The following NGDN variants were observed in gnomAD, a reference collection of about 807,000 sequenced individuals.
The protein encoded by NGDN is EIF4E-binding protein.
Under a neutral mutation model 45.2 loss-of-function variants are expected in NGDN, and 41 were observed. The ratio of observed to expected loss-of-function variants is 0.91; its 90% CI spans 0.71 to 1.18. NGDN has a LOEUF of 1.18. Ranked by LOEUF, NGDN falls within the 50% of genes most tolerant of loss-of-function variation. The probability of loss-of-function intolerance (pLI) is 0.00; values close to 1 mark genes in which losing one functional copy is unlikely to be tolerated. For missense variants in NGDN, 402 were observed against 399.9 expected, an observed-to-expected ratio of 1.01 and a Z score of -0.05; for synonymous variants, 137 against 130.9, an observed-to-expected ratio of 1.05 and a Z score of -0.32.
In NGDN at chr14:23,477,182, A is replaced by G; in HGVS notation, c.714-18A>G. On this transcript the variant is annotated intron_variant, in intron 8 of 10. Transcript: ENST00000408901. ...TCTCCATGGTCTGAGCCTGCTGGAA[A>G]CTGTCTTTCTCTGGCAGGATTAACT... 1.2e-6 allele frequency: 2 copies of G among 1,613,520 alleles called. No homozygotes were observed. The highest frequency in any genetic ancestry group is 1.7e-6 in the Non-Finnish European group (2 of 1,179,662).
chr14:23,475,712 G>A lies in NGDN; in HGVS notation c.368-14G>A. 2.5e-6 allele frequency: 4 copies of A among 1,614,026 alleles called. No homozygotes were observed. Among genetic ancestry groups the A allele is most frequent in the Non-Finnish European group, 2.5e-6 (3 of 1,179,968 alleles). ...TTCCAAATTTTGTAAAATTCATTGGGTTATTTATTTCAGGTGAGAATGACC... is the reference window on the plus strand; with the variant it reads ...TTCCAAATTTTGTAAAATTCATTGGATTATTTATTTCAGGTGAGAATGACC... On this transcript the variant is annotated splice_polypyrimidine_tract_variant and intron_variant, in intron 5 of 10. Transcript: ENST00000408901.
intron 1 of NGDN, 122 bp from the exon 2 acceptor site, chr14:23,469,920 T>C (rs1018535347): frequency 5.7e-6 from 7 of 1,236,768 alleles, no homozygotes; most frequent in Admixed American, 1.9e-5. Flanking sequence ...TGAACCCGAG[T>C]GTGAAGGCCC....
chr14:23,477,910 C>T, intron 10 of NGDN, 97 bp from the exon 11 acceptor site: 1 of 1,611,464 alleles, frequency 6.2e-7, no homozygotes, highest in Non-Finnish European at 8.5e-7. Context: ...TAGGAGACCC[C>T]ACCCCTGTGA....
At chr14:23,472,523 A>G (rs992811658) in intron 3 of NGDN, among the ~76,000 whole-genome samples, 1 of 152,184 alleles carries the variant, frequency 6.6e-6, no homozygotes, top group Non-Finnish European at 1.5e-5. Flanking sequence ...AACAACAATT[A>G]AAATATTGTA....
At chr14:23,478,293 T>C (rs7158784), downstream of NGDN, 292,150 of 410,882 alleles carry the variant, frequency 0.71, 106,859 homozygotes, top group Non-Finnish European at 0.77. Flanking sequence ...TGTATTGTTT[T>C]CTTTGATAAT....
At chr14:23,474,613 C>T (rs904529023) in intron 3 of NGDN, among the ~76,000 whole-genome samples, 1 of 152,142 alleles carries the variant, frequency 6.6e-6, no homozygotes, top group Non-Finnish European at 1.5e-5. Context: ...AGTCATATTA[C>T]ACTTTCTACA....
chr14:23,475,024 AG>A (rs1893864064), intron 3 of NGDN, 146 bp from the exon 4 acceptor site: 1 of 614,478 alleles, frequency 1.6e-6, no homozygotes, highest in Non-Finnish European at 2.6e-6. Flanking sequence ...TCTTAGGCAT[AG>A]CTACTTCTTG....
In NGDN at chr14:23,469,707, T is replaced by C. The variant is rs555050527; in HGVS notation, c.-9T>C. ...AAGTACGACACCGGAAGGGGTGGGC[T>C]TTGCGAAGATGGCGGCGCTGGTGAG... On this transcript the variant is annotated 5_prime_UTR_variant, in exon 1 of 11. Coordinates refer to ENST00000408901, the MANE Select transcript of NGDN (RefSeq NM_001042635.2). 9 of 1,614,148 alleles carry C rather than the reference T, an allele frequency of 5.6e-6. No individual in the cohort carries two copies. The South Asian group carries it at 8.8e-5, about 16-fold the overall frequency.
chr14:23,470,223 G>A (rs2295705), intron 2 of NGDN, 122 bp downstream of exon 2: 79,457 of 810,598 alleles, frequency 0.098, 4,962 homozygotes, highest in Admixed American at 0.22. Context: ...GTAAAATGAT[G>A]TAATCAAAAC....
At position 23,476,368 on chromosome 14, in the gene NGDN, A is replaced by G. The variant is rs1893904771; in HGVS notation, c.674A>G (p.His225Arg). Residue 225 changes from histidine (H) to arginine (R), a missense_variant, in exon 8 of 11, where the codon CAT (histidine) becomes CGT (arginine). Physicochemically the swap from His to Arg is conservative, Grantham distance 29. Transcript: ENST00000408901. The part of the protein sequence containing the change: ...DAPEEIRDAR[H>R]PHVTRQSQED... ...CCAGAGGAAATCCGTGATGCTCGGCATCCCCATGTTACCCGCCAGAGTCAG... is the reference window on the plus strand; with the variant it reads ...CCAGAGGAAATCCGTGATGCTCGGCGTCCCCATGTTACCCGCCAGAGTCAG... The G allele has an allele frequency of 1.2e-6, 2 of 1,612,786 alleles. No individual in the cohort carries two copies.
intron 6 of NGDN, 33 bp downstream of exon 6, chr14:23,475,811 C>G (rs1893888106): frequency 6.2e-7 from 1 of 1,600,872 alleles, no homozygotes. Flanking sequence ...TGATTTTTTT[C>G]TGAGGCAGCT....
At chr14:23,475,442 A>T in intron 4 of NGDN, 116 bp from the exon 5 acceptor site, 2 of 1,351,660 alleles carry the variant, frequency 1.5e-6, no homozygotes, top group Admixed American at 2.0e-5. Flanking sequence ...TTTTCTATTC[A>T]TTTGCTCTAC....
intron 9 of NGDN, 24 bp from the exon 10 acceptor site, chr14:23,477,479 C>T (rs1893930797): frequency 1.9e-6 from 3 of 1,614,018 alleles, no homozygotes. Context: ...AGTGCCATTC[C>T]ATCACTTCTC....
chr14:23,470,933 T>G lies in NGDN; in HGVS notation c.100T>G (p.Ser34Ala). Residue 34 changes from serine (S) to alanine (A), a missense_variant, in exon 3 of 11, where the codon TCA (serine) becomes GCA (alanine). Ser to Ala is a moderately conservative substitution (Grantham distance 99, BLOSUM62 1). Transcript: ENST00000408901. ...QVMAVTAQVK[S>A]LTQKVQAGAY... ...GATGGCTGTAACTGCACAAGTGAAA[T>G]CACTGACACAAAAAGTTCAAGCTGG... is the stretch of plus-strand genomic sequence containing the variant. 1 of 1,561,734 alleles carries G rather than the reference T, an allele frequency of 6.4e-7. No individual in the cohort carries two copies. The highest frequency in any genetic ancestry group is 8.6e-7 in the Non-Finnish European group (1 of 1,159,382).
downstream of NGDN, chr14:23,478,712 TG>T (rs1893959639): frequency 7.4e-6 from 1 of 135,366 alleles, no homozygotes; most frequent in Non-Finnish European, 1.6e-5. Flanking sequence ...TATAGTCTTG[TG>T]TTTTTCAGAC....
At chr14:23,471,636 T>G (rs1193840712) in intron 3 of NGDN, 1 of 151,720 alleles carries the variant, frequency 6.6e-6, no homozygotes, top group African/African-American at 2.4e-5. Flanking sequence ...CTGGGTAACA[T>G]AGTGAGACCC....
intron 8 of NGDN, among the ~76,000 whole-genome samples, chr14:23,476,614 GC>G (rs1893910667): frequency 6.6e-6 from 1 of 152,118 alleles, no homozygotes; most frequent in Non-Finnish European, 1.5e-5. Context: ...TTAGTTCAAA[GC>G]AAAAGCAGTA....
intron 10 of NGDN, 39 bp downstream of exon 10, chr14:23,477,599 G>A: frequency 6.2e-7 from 1 of 1,612,958 alleles, no homozygotes; most frequent in Non-Finnish European, 8.5e-7. Context: ...CAGGTGCAAG[G>A]TGGGGAGTAC....
At chr14:23,470,291 C>A in intron 2 of NGDN, 190 bp downstream of exon 2, 1 of 564,394 alleles carries the variant, frequency 1.8e-6, no homozygotes. Context: ...ACAAGAAACT[C>A]CAAAAAGAAA....
Sources: gnomAD v4.1 joint callset for allele counts (sites outside exome capture counted in the v4.1 genomes callset) on GRCh38, gnomAD v4.1.1 for gene constraint, MANE v1.5 for transcripts, NCBI Gene and HGNC (gene_info 2026-07-23, HGNC 2026-07-21) for gene names.